Variants in GPM6A observed in about 807,000 individuals in gnomAD.
The protein encoded by GPM6A is glycoprotein M6A, also known as neuronal membrane glycoprotein M6-a.
A neutral mutation model predicts 32.1 loss-of-function variants in GPM6A; 7 were observed. The observed-to-expected ratio is 0.22, with a 90% CI of 0.12 to 0.41. The LOEUF (loss-of-function observed/expected upper bound fraction) is 0.41, where lower values mean the gene tolerates loss of function less well. Ranked by LOEUF, GPM6A falls within the 10% of genes least tolerant of loss-of-function variation. The pLI is 1.00. For synonymous variants in GPM6A, 130 were observed against 123.4 expected (o/e 1.05, Z -0.35); for missense variants, 235 against 347.2 (o/e 0.68, Z 2.57).
At chr4:175,944,860 G>A (rs929375501) in intron 1 of GPM6A, among the ~76,000 whole-genome samples, 15 of 151,802 alleles carry the variant, frequency 9.9e-5, no homozygotes, top group Non-Finnish European at 1.5e-4. Flanking sequence ...AGGCTTTACC[G>A]ACTGCAGTCT....
chr4:175,812,441 T>C, upstream of GPM6A: 1 of 1,285,766 alleles, frequency 7.8e-7, no homozygotes, highest in Non-Finnish European at 9.8e-7. Flanking sequence ...TCAAGTGTAA[T>C]TTCATTCAAA....
chr4:175,773,540 A>G (rs1344304503), intron 1 of GPM6A, among the ~76,000 whole-genome samples: 3 of 152,090 alleles, frequency 2.0e-5, no homozygotes, highest in African/African-American at 7.2e-5. Flanking sequence ...CTCTTTAAAA[A>G]TAATAAGAAT....
chr4:175,965,935 C>T (rs1740320317), intron 1 of GPM6A, among the ~76,000 whole-genome samples: 1 of 152,004 alleles, frequency 6.6e-6, no homozygotes, highest in Non-Finnish European at 1.5e-5. Flanking sequence ...TCTGTTGAAT[C>T]CATAGACATT....
At chr4:175,656,583 G>A (rs541499890) in intron 3 of GPM6A, among the ~76,000 whole-genome samples, 2 of 152,088 alleles carry the variant, frequency 1.3e-5, no homozygotes, top group African/African-American at 4.8e-5. Context: ...AAGAGGCAAG[G>A]TTTCATGTTC....
intron 1 of GPM6A, among the ~76,000 whole-genome samples, chr4:175,967,559 A>G (rs1324172085): frequency 6.6e-6 from 1 of 152,204 alleles, no homozygotes; most frequent in Non-Finnish European, 1.5e-5. Flanking sequence ...AATTAATAAA[A>G]TATTATTTTC....
At position 175,686,535 on chromosome 4, in the gene GPM6A, C is replaced by T. The variant is rs562471359; in HGVS notation, c.231-12699G>A. Among the ~76,000 whole-genome samples the T allele has an allele frequency of 2.1e-4, 32 of 152,236 alleles. No individual in the cohort carries two copies. In the South Asian group the frequency reaches 4.6e-3, roughly 22 times the overall value. On this transcript the variant is annotated intron_variant, in intron 2 of 6. Coordinates refer to ENST00000393658, the MANE Select transcript of GPM6A (RefSeq NM_201591.3). The stretch of plus-strand genomic sequence containing the variant: ...GGAAGAAAAGAAGGTAATGTGAAGA[C>T]GGAGGCAGAGATTAGAGTGCTGTGG...
intron 1 of GPM6A, among the ~76,000 whole-genome samples, chr4:175,885,537 G>T (rs1043416433): frequency 2.0e-5 from 3 of 152,036 alleles, no homozygotes; most frequent in African/African-American, 7.3e-5. Context: ...AGGCTGAGGT[G>T]GGCAGATGGC....
chr4:175,649,612 T>C (rs1239498004), intron 4 of GPM6A, among the ~76,000 whole-genome samples: 2 of 152,202 alleles, frequency 1.3e-5, no homozygotes, highest in Non-Finnish European at 2.9e-5. Flanking sequence ...TAATCTCTCG[T>C]GTATTTCTGA....
At chr4:175,878,754 T>C (rs993149668) in intron 1 of GPM6A, among the ~76,000 whole-genome samples, 1 of 152,188 alleles carries the variant, frequency 6.6e-6, no homozygotes, top group African/African-American at 2.4e-5. Context: ...TCATTACTTG[T>C]GCAAATTTCT....
chr4:175,636,258 C>CTG (rs1314657229), intron 6 of GPM6A, among the ~76,000 whole-genome samples: 157 of 34,110 alleles, frequency 4.6e-3, no homozygotes, highest in Admixed American at 8.4e-3. Flanking sequence ...AGCATAATCA[C>CTG]TGTATATATA....
At chr4:175,767,344 G>A (rs1733012939) in intron 1 of GPM6A, among the ~76,000 whole-genome samples, 1 of 152,138 alleles carries the variant, frequency 6.6e-6, no homozygotes, top group African/African-American at 2.4e-5. Context: ...ACTCCTGTGG[G>A]GGACAGGAAG....
At position 175,791,032 on chromosome 4, in the gene GPM6A, A is replaced by G. The variant is rs558963495; in HGVS notation, c.37+21159T>C. Among the ~76,000 whole-genome samples the G allele has an allele frequency of 1.9e-3, 291 of 152,268 alleles. 2 individuals carry two copies. Among genetic ancestry groups the G allele is most frequent in the African/African-American group, 6.6e-3 (276 of 41,582 alleles). ...AAAGAAAAAAAGAAATAATAAATAC[A>G]ATATGAATGTACCTATTTTCTGGCC... On this transcript the variant is annotated intron_variant, in intron 1 of 6. Transcript: ENST00000393658.
intron 2 of GPM6A, among the ~76,000 whole-genome samples, chr4:175,698,635 TA>T (rs1348038095): frequency 1.3e-5 from 2 of 152,210 alleles, no homozygotes; most frequent in Non-Finnish European, 2.9e-5. Flanking sequence ...TTTCATGAAC[TA>T]TTTGTTGGTA....
At chr4:175,850,471 C>G (rs1309473942) in intron 1 of GPM6A, among the ~76,000 whole-genome samples, 2 of 151,680 alleles carry the variant, frequency 1.3e-5, no homozygotes, top group Admixed American at 1.3e-4. Context: ...AAAATAAGAC[C>G]ACAAACAGGG....
At chr4:175,996,466 T>C (rs1272685140) in intron 1 of GPM6A, among the ~76,000 whole-genome samples, 1 of 152,184 alleles carries the variant, frequency 6.6e-6, no homozygotes, top group African/African-American at 2.4e-5. Flanking sequence ...AGCAAAGGAT[T>C]TATGCTAATT....
chr4:175,637,258 A>T (rs11725083), intron 6 of GPM6A, among the ~76,000 whole-genome samples: 24,729 of 53,820 alleles, frequency 0.46, 5,094 homozygotes, highest in South Asian at 0.57. Flanking sequence ...ATATAATATA[A>T]AATATATATT....
At chr4:175,946,388 G>T (rs557122695) in intron 1 of GPM6A, among the ~76,000 whole-genome samples, 2 of 152,134 alleles carry the variant, frequency 1.3e-5, no homozygotes, top group South Asian at 4.1e-4. Context: ...TAGGGTCTGG[G>T]TCACAATCAT....
At chr4:175,708,606 C>T (rs1745347696) in intron 1 of GPM6A, among the ~76,000 whole-genome samples, 1 of 151,820 alleles carries the variant, frequency 6.6e-6, no homozygotes, top group Non-Finnish European at 1.5e-5. Context: ...TGGCTGGTCT[C>T]GAACTCCTGG....
intron 1 of GPM6A, among the ~76,000 whole-genome samples, chr4:175,833,173 A>G (rs1176865896): frequency 6.6e-6 from 1 of 152,222 alleles, no homozygotes; most frequent in Non-Finnish European, 1.5e-5. Flanking sequence ...AACAAAAAGC[A>G]AAAATATCAT....
Sources: allele counts gnomAD v4.1 joint callset (sites outside exome capture counted in the v4.1 genomes callset), GRCh38; gene constraint gnomAD v4.1.1; transcripts MANE v1.5; gene names NCBI Gene and HGNC (gene_info 2026-07-23, HGNC 2026-07-21).